Variants in DNAJC10 observed in about 807,000 individuals in gnomAD.
DNAJC10 encodes the protein endoplasmic reticulum disulfide reductase DNAJC10.
A neutral mutation model predicts 115.0 loss-of-function variants in DNAJC10; 101 were observed. The observed-to-expected ratio is 0.88, with a 90% CI of 0.75 to 1.04. The LOEUF is 1.04. Among genes scored for constraint, DNAJC10 ranks in the 50% least tolerant of loss-of-function variants. DNAJC10 has a pLI of 0.00. For synonymous variants in DNAJC10, 307 were observed against 301.5 expected (o/e 1.02, Z -0.19); for missense variants, 981 against 928.8 (o/e 1.06, Z -0.73).
chr2:182,759,397 T>TTAGG (rs1156503675), intron 21 of DNAJC10, 90 bp downstream of exon 21: 1 of 1,294,554 alleles, frequency 7.7e-7, no homozygotes, highest in African/African-American at 1.5e-5. Flanking sequence ...TTTAGGTTTT[T>TTAGG]TTCTTAAATG....
rs1370651984 is a variant in DNAJC10 at position 182,782,472 on chromosome 2, TTGATGGGAATAGCA to T, written c.*5342_*5355del. 6.6e-6 allele frequency: 1 copy of T among 152,200 alleles called. No homozygotes were observed. The highest frequency in any genetic ancestry group is 1.5e-5 in the Non-Finnish European group (1 of 68,024). The allele number at this position is 152,200 out of a possible 1,614,324, so 9.4% of individuals were successfully genotyped here. ...TTCTGTGAAGAAAGTCAATGGTAGC[TTGATGGGAATAGCA>T]TTGAATCTATAAATTACTTTGGGCA... On this transcript the variant is annotated 3_prime_UTR_variant, in exon 24 of 24. Transcript: ENST00000264065.
intron 11 of DNAJC10, among the ~76,000 whole-genome samples, chr2:182,738,347 A>T (rs886505179): frequency 4.6e-5 from 7 of 152,204 alleles, no homozygotes; most frequent in African/African-American, 1.2e-4. Context: ...CCATCCGTCA[A>T]CAAGGATTGC....
Position 182,729,869 on chromosome 2 carries a change from G to A in DNAJC10, c.655G>A (p.Asp219Asn), listed in dbSNP as rs1407468452. 6.2e-7 allele frequency: 1 copy of A among 1,609,128 alleles called. No individual in the cohort carries two copies. Among genetic ancestry groups the A allele is most frequent in the Non-Finnish European group, 8.5e-7 (1 of 1,177,940 alleles). The change falls in exon 8 of 24, where the codon GAC becomes AAC. Residue 219 changes from aspartate to asparagine, a missense_variant. Transcript: ENST00000264065. ...ATAGGCCCCAGTGAAATATCATGGA[G>A]ACAGATCAAAGGAGAGTTTAGTGAG... ...SGMAPVKYHG[D>N]RSKESLVSFA...
intron 5 of DNAJC10, among the ~76,000 whole-genome samples, chr2:182,728,313 C>G (rs1171131922): frequency 6.6e-6 from 1 of 152,044 alleles, no homozygotes; most frequent in Non-Finnish European, 1.5e-5. Context: ...GCTTCTTTTT[C>G]AAGTATGGGC....
At chr2:182,742,877 C>T (rs887177468) in intron 13 of DNAJC10, among the ~76,000 whole-genome samples, 1 of 149,752 alleles carries the variant, frequency 6.7e-6, no homozygotes, top group Non-Finnish European at 1.5e-5. Context: ...AGTGTAGTGT[C>T]ACTCTGTCAG....
intron 21 of DNAJC10, among the ~76,000 whole-genome samples, chr2:182,760,510 C>T (rs1297344228): frequency 6.6e-6 from 1 of 152,090 alleles, no homozygotes; most frequent in Non-Finnish European, 1.5e-5. Context: ...AGGGCAAAGT[C>T]CATGTTTTAT....
chr2:182,759,347 A>T (rs759296141), intron 21 of DNAJC10, 40 bp downstream of exon 21: 2 of 1,559,736 alleles, frequency 1.3e-6, no homozygotes, highest in Non-Finnish European at 8.6e-7. Context: ...AGCCACATTC[A>T]TGTTTTAGTA....
At chr2:182,765,083 CT>C (rs1248636045) in intron 22 of DNAJC10, among the ~76,000 whole-genome samples, 1 of 152,132 alleles carries the variant, frequency 6.6e-6, no homozygotes, top group Non-Finnish European at 1.5e-5. Context: ...AGATCAGGCA[CT>C]TGTGTAGCTT....
intron 14 of DNAJC10, among the ~76,000 whole-genome samples, chr2:182,744,732 T>C (rs1367261749): frequency 6.6e-6 from 1 of 152,066 alleles, no homozygotes; most frequent in East Asian, 1.9e-4. Context: ...CTCAGAAAGG[T>C]TAAGTAACTT....
intron 21 of DNAJC10, among the ~76,000 whole-genome samples, chr2:182,760,130 C>T (rs1380602360): frequency 6.6e-6 from 1 of 152,108 alleles, no homozygotes; most frequent in Non-Finnish European, 1.5e-5. Flanking sequence ...TAACAGAGTA[C>T]TCCAGGTTCT....
intron 11 of DNAJC10, among the ~76,000 whole-genome samples, chr2:182,738,473 C>G (rs1028148136): frequency 1.3e-5 from 2 of 151,968 alleles, no homozygotes; most frequent in Non-Finnish European, 2.9e-5. Context: ...ATGAGTGACT[C>G]TGGAAATGTA....
chr2:182,750,447 T>C (rs1253006896), intron 14 of DNAJC10, among the ~76,000 whole-genome samples: 3 of 152,198 alleles, frequency 2.0e-5, no homozygotes, highest in Non-Finnish European at 2.9e-5. Context: ...TGGATAATTA[T>C]GTTATTGCCA....
Position 182,791,615 on chromosome 2 carries a change from T to C in DNAJC10, c.*14483T>C, listed in dbSNP as rs560810067. ...CAAACTGGCCTCTGTGAACTCTTTCTTGACAAGTGAAACCTGGCTCCAACA... is the reference window on the plus strand; with the variant it reads ...CAAACTGGCCTCTGTGAACTCTTTCCTGACAAGTGAAACCTGGCTCCAACA... On this transcript the variant is annotated 3_prime_UTR_variant, in exon 24 of 24. Coordinates refer to ENST00000264065, the MANE Select transcript of DNAJC10 (RefSeq NM_018981.4). 6.6e-6 allele frequency: 1 copy of C among 152,296 alleles called. No homozygotes were observed. The highest frequency in any genetic ancestry group is 1.9e-4 in the East Asian group (1 of 5,190). The allele number at this position is 152,296 out of a possible 1,614,324, so 9.4% of individuals were successfully genotyped here. A position where few individuals can be genotyped will look rare whatever the true frequency, so the allele number is the denominator to read the frequency against.
At position 182,777,328 on chromosome 2, in the gene DNAJC10, A is replaced by G. The variant is rs1433367227; in HGVS notation, c.*196A>G. 5.4e-6 allele frequency: 2 copies of G among 370,504 alleles called. No individual in the cohort carries two copies. The highest frequency in any genetic ancestry group is 2.1e-5 in the African/African-American group (1 of 47,912). The allele number at this position is 370,504 out of a possible 1,614,324, so 23.0% of individuals were successfully genotyped here. On this transcript the variant is annotated 3_prime_UTR_variant, in exon 24 of 24. Coordinates refer to ENST00000264065, the MANE Select transcript of DNAJC10 (RefSeq NM_018981.4). ...TTTTCTGTAAAGGGCCGGTTTATAAATATTTTAGACTTTGCAGGCTATAAT... is the reference window on the plus strand; with the variant it reads ...TTTTCTGTAAAGGGCCGGTTTATAAGTATTTTAGACTTTGCAGGCTATAAT...
intron 4 of DNAJC10, among the ~76,000 whole-genome samples, chr2:182,720,955 T>C (rs1191385821): frequency 6.6e-6 from 1 of 152,048 alleles, no homozygotes; most frequent in Admixed American, 6.5e-5. Flanking sequence ...CTTGAAACAT[T>C]ATCAATAAAG....
At chr2:182,751,907 C>G in intron 15 of DNAJC10, 122 bp downstream of exon 15, 1 of 1,311,936 alleles carries the variant, frequency 7.6e-7, no homozygotes, top group African/African-American at 1.5e-5. Flanking sequence ...ATTATGGCCA[C>G]TAATGCATAT....
intron 15 of DNAJC10, 136 bp from the exon 16 acceptor site, chr2:182,751,936 A>C: frequency 5.9e-6 from 7 of 1,196,538 alleles, no homozygotes; most frequent in Non-Finnish European, 8.4e-6. Context: ...AATGAGTGCT[A>C]ATGTAATTAC....
chr2:182,745,224 T>G (rs957984295), intron 14 of DNAJC10, among the ~76,000 whole-genome samples: 10 of 152,212 alleles, frequency 6.6e-5, no homozygotes, highest in African/African-American at 2.4e-4. Context: ...AGGAAATGTT[T>G]GTTAAGTGGA....
intron 7 of DNAJC10, 141 bp downstream of exon 7, chr2:182,729,135 A>T (rs967346233): frequency 7.0e-6 from 6 of 858,144 alleles, no homozygotes; most frequent in Admixed American, 2.9e-5. Context: ...TTCTGTAATA[A>T]TAAACATTTT....
Sources: gnomAD v4.1 joint callset for allele counts (sites outside exome capture counted in the v4.1 genomes callset) on GRCh38, gnomAD v4.1.1 for gene constraint, MANE v1.5 for transcripts, NCBI Gene and HGNC (gene_info 2026-07-23, HGNC 2026-07-21) for gene names.